ZNF804A: variants seen among roughly 807,000 people sequenced by gnomAD.
The protein encoded by ZNF804A is zinc finger protein 804A.
ZNF804A carries 2 observed loss-of-function variants against 16.5 expected under a neutral mutation model. The observed-to-expected ratio is 0.12, with a 90% CI of 0.05 to 0.38. The LOEUF is 0.38. Ranked by LOEUF, ZNF804A falls within the 10% of genes least tolerant of loss-of-function variation. The pLI is 0.99. For missense variants in ZNF804A, 1,473 were observed against 1,390.7 expected (o/e 1.06, Z -0.94); for synonymous variants, 534 against 489.6 (o/e 1.09, Z -1.20).
At chr2:184,769,769 T>C (rs1406076361) in intron 1 of ZNF804A, among the ~76,000 whole-genome samples, 1 of 151,990 alleles carries the variant, frequency 6.6e-6, no homozygotes, top group African/African-American at 2.4e-5. Context: ...GAAATAAGGG[T>C]ACATAGTTCT....
At chr2:184,661,798 C>T (rs573384942) in intron 1 of ZNF804A, among the ~76,000 whole-genome samples, 14 of 152,246 alleles carry the variant, frequency 9.2e-5, no homozygotes, top group Middle Eastern at 3.4e-3. Flanking sequence ...ATTAATCTGT[C>T]TCATCACTCT....
chr2:184,783,423 A>G (rs1694403249), intron 1 of ZNF804A, among the ~76,000 whole-genome samples: 1 of 151,936 alleles, frequency 6.6e-6, no homozygotes, highest in Non-Finnish European at 1.5e-5. Context: ...TGGAAGAGCA[A>G]TAAAAATCTT....
intron 1 of ZNF804A, among the ~76,000 whole-genome samples, chr2:184,738,118 C>A (rs1288054802): frequency 7.4e-6 from 1 of 135,408 alleles, no homozygotes; most frequent in Non-Finnish European, 1.6e-5. Context: ...AAGAGTGGAA[C>A]TTTGTCTAAA....
chr2:184,848,699 A>G (rs1312115027), intron 1 of ZNF804A, among the ~76,000 whole-genome samples: 2 of 152,020 alleles, frequency 1.3e-5, no homozygotes, highest in African/African-American at 4.8e-5. Context: ...TGAGGTAGAG[A>G]GCATGATAGA....
intron 1 of ZNF804A, among the ~76,000 whole-genome samples, chr2:184,668,978 C>T (rs1346379362): frequency 8.4e-6 from 1 of 119,292 alleles, no homozygotes; most frequent in East Asian, 2.0e-4. Context: ...ACCAGTTCTT[C>T]TGAGGAAATA....
At chr2:184,861,510 G>C (rs761344057) in intron 1 of ZNF804A, among the ~76,000 whole-genome samples, 6 of 152,150 alleles carry the variant, frequency 3.9e-5, no homozygotes, top group Non-Finnish European at 7.4e-5. Flanking sequence ...AAAAAGCACA[G>C]TCCTAATGTC....
chr2:184,659,807 T>TA (rs1692138994), intron 1 of ZNF804A, among the ~76,000 whole-genome samples: 1 of 152,130 alleles, frequency 6.6e-6, no homozygotes, highest in Admixed American at 6.5e-5. Context: ...TGATTAGGCA[T>TA]AAAAAATGTA....
intron 2 of ZNF804A, among the ~76,000 whole-genome samples, chr2:184,903,178 A>G (rs1685214285): frequency 6.6e-6 from 1 of 152,102 alleles, no homozygotes; most frequent in African/African-American, 2.4e-5. Context: ...CTATCCCCCA[A>G]CAATTCCTGT....
At chr2:184,819,021 G>T (rs778878972) in intron 1 of ZNF804A, among the ~76,000 whole-genome samples, 1 of 151,802 alleles carries the variant, frequency 6.6e-6, no homozygotes, top group Non-Finnish European at 1.5e-5. Context: ...AATTAACGAA[G>T]ATATTAAGGA....
intron 1 of ZNF804A, among the ~76,000 whole-genome samples, chr2:184,828,447 T>C (rs1429693671): frequency 6.6e-6 from 1 of 151,852 alleles, no homozygotes; most frequent in African/African-American, 2.4e-5. Flanking sequence ...TCTTTTAATT[T>C]TGATGGTCAC....
intron 3 of ZNF804A, 64 bp downstream of exon 3, chr2:184,933,797 T>C: frequency 6.6e-7 from 1 of 1,516,824 alleles, no homozygotes; most frequent in Non-Finnish European, 8.9e-7. Context: ...ATAGGGGGAG[T>C]CAGAAATAAA....
intron 2 of ZNF804A, 75 bp from the exon 3 acceptor site, chr2:184,933,528 C>T: frequency 7.0e-7 from 1 of 1,426,432 alleles, no homozygotes; most frequent in Non-Finnish European, 9.4e-7. Flanking sequence ...TGGAAAATTT[C>T]AACAATAACA....
rs190573531 is a variant in ZNF804A at position 184,644,624 on chromosome 2, A to T, written c.111+45554A>T. On this transcript the variant is annotated intron_variant, in intron 1 of 3. Transcript: ENST00000302277. ...TACTAATGTTTAGTATTTGCATCTG[A>T]GGTAGAACTTCTTTGTTCGTTCTTA... Among the ~76,000 whole-genome samples, 5 of 152,060 alleles carry T rather than the reference A, an allele frequency of 3.3e-5. No individual in the cohort carries two copies. In the East Asian group the frequency reaches 9.6e-4, roughly 29 times the overall value.
chr2:184,717,341 A>C (rs1020717133), intron 1 of ZNF804A, among the ~76,000 whole-genome samples: 1 of 151,826 alleles, frequency 6.6e-6, no homozygotes, highest in Non-Finnish European at 1.5e-5. Flanking sequence ...TCTTTTTTTT[A>C]GATCTATTTG....
intron 1 of ZNF804A, among the ~76,000 whole-genome samples, chr2:184,718,438 G>A (rs180792801): frequency 6.6e-6 from 1 of 151,992 alleles, no homozygotes; most frequent in Admixed American, 6.6e-5. Flanking sequence ...ACTCATTTCA[G>A]CATTAACTCA....
At chr2:184,935,762 T>C (rs756892158) in intron 3 of ZNF804A, 21 bp from the exon 4 acceptor site, 2 of 1,551,050 alleles carry the variant, frequency 1.3e-6, no homozygotes, top group Non-Finnish European at 1.7e-6. Flanking sequence ...ATTTAACACA[T>C]GCTTCTGTTT....
chr2:184,791,787 G>A (rs959750336), intron 1 of ZNF804A, among the ~76,000 whole-genome samples: 3 of 152,080 alleles, frequency 2.0e-5, no homozygotes, highest in South Asian at 2.1e-4. Flanking sequence ...ATGTATCCAC[G>A]GTAATAGTAT....
At chr2:184,788,149 A>T (rs1283355324) in intron 1 of ZNF804A, among the ~76,000 whole-genome samples, 1 of 151,862 alleles carries the variant, frequency 6.6e-6, no homozygotes, top group Non-Finnish European at 1.5e-5. Flanking sequence ...ATTTTGTTTT[A>T]GGTATGTGGT....
intron 1 of ZNF804A, among the ~76,000 whole-genome samples, chr2:184,846,897 A>C (rs1695524616): frequency 6.6e-6 from 1 of 152,074 alleles, no homozygotes; most frequent in Admixed American, 6.6e-5. Flanking sequence ...AGAATGGCCA[A>C]ACCTTTACTG....
Sources: gnomAD v4.1 joint callset for allele counts (sites outside exome capture counted in the v4.1 genomes callset) on GRCh38, gnomAD v4.1.1 for gene constraint, MANE v1.5 for transcripts, NCBI Gene and HGNC (gene_info 2026-07-23, HGNC 2026-07-21) for gene names.